CACNA2D3: variants seen among roughly 807,000 people sequenced by gnomAD.
CACNA2D3 encodes calcium voltage-gated channel auxiliary subunit alpha2delta 3.
A neutral mutation model predicts 160.6 loss-of-function variants in CACNA2D3; 60 were observed. The ratio of observed to expected loss-of-function variants is 0.37; its 90% confidence interval spans 0.30 to 0.46. CACNA2D3 has a LOEUF of 0.46. CACNA2D3 is among the 20% of genes least tolerant of loss of function. The probability of loss-of-function intolerance (pLI) is 1.00; values close to 1 mark genes in which losing one functional copy is unlikely to be tolerated. For missense variants in CACNA2D3, 1,205 were observed against 1,365.0 expected, an observed-to-expected ratio of 0.88 and a Z score of 1.85; for synonymous variants, 558 against 492.9, an observed-to-expected ratio of 1.13 and a Z score of -1.75.
chr3:54,461,469 A>G (rs899270183), intron 4 of CACNA2D3, among the ~76,000 whole-genome samples: 1 of 151,412 alleles, frequency 6.6e-6, no homozygotes, highest in Non-Finnish European at 1.5e-5. Flanking sequence ...TTATTGGTCT[A>G]TTCAGAGATT....
intron 4 of CACNA2D3, among the ~76,000 whole-genome samples, chr3:54,498,676 A>G (rs1409959502): frequency 6.6e-6 from 1 of 151,866 alleles, no homozygotes; most frequent in Admixed American, 6.6e-5. Flanking sequence ...TAGACTATTT[A>G]TCTTGAAATT....
rs550093780 is a variant in CACNA2D3, at chr3:55,010,299, G to A, written c.2875+856G>A. ...CTATCGGGTACTACGTTCACTACCA[G>A]GATGATGAAATAATCTGTACACCAA... On this transcript the variant is annotated intron_variant, in intron 34 of 37. Coordinates refer to ENST00000474759, the MANE Select transcript of CACNA2D3 (RefSeq NM_018398.3). Among the ~76,000 whole-genome samples the A allele has an allele frequency of 3.3e-5, 5 of 152,198 alleles. No individual in the cohort carries two copies. The South Asian group carries it at 1.0e-3, about 32-fold the overall frequency.
chr3:54,312,282 T>A (rs1343539530), intron 2 of CACNA2D3, among the ~76,000 whole-genome samples: 2 of 152,206 alleles, frequency 1.3e-5, no homozygotes, highest in African/African-American at 4.8e-5. Flanking sequence ...TCTAGAGGTG[T>A]AATTTCAGTT....
chr3:54,746,856 G>T (rs1701761220), intron 11 of CACNA2D3, among the ~76,000 whole-genome samples: 1 of 152,166 alleles, frequency 6.6e-6, no homozygotes, highest in African/African-American at 2.4e-5. Flanking sequence ...GCTACAGACA[G>T]CTGGGTACAG....
intron 11 of CACNA2D3, among the ~76,000 whole-genome samples, chr3:54,720,373 A>G (rs981005380): frequency 6.6e-6 from 1 of 152,076 alleles, no homozygotes; most frequent in Non-Finnish European, 1.5e-5. Context: ...TTTAAAGTGT[A>G]TTATTTAATT....
chr3:54,902,021 A>G (rs1700344384), intron 27 of CACNA2D3, among the ~76,000 whole-genome samples: 1 of 152,246 alleles, frequency 6.6e-6, no homozygotes, highest in Non-Finnish European at 1.5e-5. Context: ...TAATTGGGGA[A>G]GAAGCCTTGT....
At chr3:54,489,515 A>G (rs142046575) in intron 4 of CACNA2D3, among the ~76,000 whole-genome samples, 1 of 152,218 alleles carries the variant, frequency 6.6e-6, no homozygotes, top group Admixed American at 6.5e-5. Context: ...CAGGCACTGA[A>G]CTGAGTGCTT....
intron 4 of CACNA2D3, among the ~76,000 whole-genome samples, chr3:54,473,982 CAG>C (rs944181384): frequency 6.6e-6 from 1 of 152,178 alleles, no homozygotes; most frequent in African/African-American, 2.4e-5. Context: ...TTGTGGAAGA[CAG>C]TGTGGTTATT....
chr3:54,918,530 C>A, intron 27 of CACNA2D3: 1 of 1,613,896 alleles, frequency 6.2e-7, no homozygotes, highest in Admixed American at 1.7e-5. Context: ...GCCAAGGGTC[C>A]CCCATGGTAC....
chr3:54,723,768 G>A (rs1011008724), intron 11 of CACNA2D3, among the ~76,000 whole-genome samples: 2 of 152,214 alleles, frequency 1.3e-5, no homozygotes, highest in African/African-American at 4.8e-5. Context: ...TGGAAATGCA[G>A]AAATCACCCA....
At chr3:54,898,648 A>T (rs1360185628) in intron 26 of CACNA2D3, among the ~76,000 whole-genome samples, 1 of 152,210 alleles carries the variant, frequency 6.6e-6, no homozygotes, top group Admixed American at 6.5e-5. Flanking sequence ...TCCTTGTCAC[A>T]ATCCTCTAAA....
chr3:54,871,068 AC>A (rs1416253391), intron 17 of CACNA2D3, among the ~76,000 whole-genome samples: 1 of 85,110 alleles, frequency 1.2e-5, no homozygotes, highest in Non-Finnish European at 2.8e-5. Flanking sequence ...ACACACACAC[AC>A]ACACACACAC....
chr3:54,439,477 C>T (rs1330630885), intron 4 of CACNA2D3, among the ~76,000 whole-genome samples: 2 of 152,174 alleles, frequency 1.3e-5, no homozygotes, highest in African/African-American at 2.4e-5. Context: ...GCTTTCCTGT[C>T]AGCCTCTTTG....
intron 2 of CACNA2D3, among the ~76,000 whole-genome samples, chr3:54,281,988 T>C (rs1702892333): frequency 6.6e-6 from 1 of 152,200 alleles, no homozygotes; most frequent in Non-Finnish European, 1.5e-5. Context: ...AAAAAGATAG[T>C]TTATTGCTTA....
chr3:54,839,213 G>A (rs1698766643), intron 16 of CACNA2D3, among the ~76,000 whole-genome samples: 1 of 152,054 alleles, frequency 6.6e-6, no homozygotes, highest in Non-Finnish European at 1.5e-5. Flanking sequence ...AGCTGAAATC[G>A]CACCACTGCA....
At chr3:54,957,969 G>A (rs1023199002) in intron 27 of CACNA2D3, among the ~76,000 whole-genome samples, 3 of 152,174 alleles carry the variant, frequency 2.0e-5, no homozygotes, top group Admixed American at 1.3e-4. Context: ...GATGGCAGAG[G>A]TAGATGTCTG....
chr3:55,003,580 C>G (rs1442804581), intron 31 of CACNA2D3, among the ~76,000 whole-genome samples: 1 of 151,908 alleles, frequency 6.6e-6, no homozygotes, highest in African/African-American at 2.4e-5. Context: ...TGCCCGTCTT[C>G]GTAGGGGAGG....
intron 25 of CACNA2D3, among the ~76,000 whole-genome samples, chr3:54,896,038 A>T (rs1242874058): frequency 6.6e-6 from 1 of 152,188 alleles, no homozygotes; most frequent in Non-Finnish European, 1.5e-5. Context: ...AAAAGCTTGC[A>T]TGTGTTTCTG....
chr3:54,152,329 C>T (rs2107284500), intron 2 of CACNA2D3, among the ~76,000 whole-genome samples: 1 of 152,320 alleles, frequency 6.6e-6, no homozygotes, highest in Non-Finnish European at 1.5e-5. Flanking sequence ...GTGCCTGTTT[C>T]TTTAAAAGCT....
Sources: allele counts gnomAD v4.1 joint callset (sites outside exome capture counted in the v4.1 genomes callset), GRCh38; gene constraint gnomAD v4.1.1; transcripts MANE v1.5; gene names NCBI Gene and HGNC (gene_info 2026-07-23, HGNC 2026-07-21).